The following ANKRD12 variants were observed in gnomAD, a reference collection of about 807,000 sequenced individuals.
ANKRD12 encodes ankyrin repeat domain-containing protein 12.
A neutral mutation model predicts 183.4 loss-of-function variants in ANKRD12; 85 were observed. That is an observed-to-expected ratio of 0.46 (90% confidence interval 0.39 to 0.56). The LOEUF (loss-of-function observed/expected upper bound fraction) is 0.56. ANKRD12 is among the 20% of genes least tolerant of loss of function. The probability of loss-of-function intolerance (pLI) is 0.00; values close to 1 mark genes in which losing one functional copy is unlikely to be tolerated. For missense variants in ANKRD12, 2,405 were observed against 2,357.1 expected, an observed-to-expected ratio of 1.02 and a Z score of -0.42; for synonymous variants, 914 against 800.2, an observed-to-expected ratio of 1.14 and a Z score of -2.40.
chr18:9,239,420 G>T (rs1214517057), intron 8 of ANKRD12: 2 of 819,740 alleles, frequency 2.4e-6, no homozygotes, highest in East Asian at 6.7e-5. Context: ...GAACCTTTTT[G>T]ATTTTCACTG....
At chr18:9,165,882 C>T (rs1389693184) in intron 1 of ANKRD12, among the ~76,000 whole-genome samples, 2 of 137,054 alleles carry the variant, frequency 1.5e-5, no homozygotes, top group Non-Finnish European at 3.2e-5. Context: ...CCCCCCACCC[C>T]ACAACAGTCC....
intron 1 of ANKRD12, among the ~76,000 whole-genome samples, chr18:9,159,946 A>G (rs751112170): frequency 2.6e-5 from 4 of 151,940 alleles, no homozygotes; most frequent in Non-Finnish European, 4.4e-5. Flanking sequence ...CTGGGACTAC[A>G]GATGTCCACC....
At chr18:9,196,443 C>T (rs1191899247) in intron 3 of ANKRD12, among the ~76,000 whole-genome samples, 2 of 152,100 alleles carry the variant, frequency 1.3e-5, no homozygotes, top group South Asian at 2.1e-4. Context: ...TAGTTTTAGT[C>T]ATTGCATGAA....
In ANKRD12 at chr18:9,254,272, A is replaced by G. The variant is rs1326277913; in HGVS notation, c.1005A>G (p.Thr335=). The G allele has an allele frequency of 1.2e-5, 19 of 1,607,554 alleles. No individual in the cohort carries two copies. The highest frequency in any genetic ancestry group is 1.5e-5 in the Non-Finnish European group (18 of 1,177,888). ...SSVDENIDSE[T]EKDSLICESK... Reference sequence around the variant, plus strand: ...TTGATGAAAATATTGACTCTGAAACAGAGAAAGACTCTCTCATCTGTGAAA... The same window carrying G: ...TTGATGAAAATATTGACTCTGAAACGGAGAAAGACTCTCTCATCTGTGAAA... Residue 335 remains threonine, a synonymous_variant, in exon 9 of 13, where the codon ACA becomes ACG. Coordinates refer to ENST00000262126, the MANE Select transcript of ANKRD12 (RefSeq NM_015208.5).
At chr18:9,152,627 G>A (rs1275925192) in intron 1 of ANKRD12, among the ~76,000 whole-genome samples, 2 of 151,396 alleles carry the variant, frequency 1.3e-5, no homozygotes, top group Admixed American at 1.3e-4. Context: ...TATATATATT[G>A]GAAGTTATCT....
At chr18:9,163,532 A>G (rs1418534001) in intron 1 of ANKRD12, among the ~76,000 whole-genome samples, 1 of 152,134 alleles carries the variant, frequency 6.6e-6, no homozygotes, top group East Asian at 1.9e-4. Context: ...TTGGTACCAT[A>G]TGAATTTTAA....
chr18:9,180,462 G>A (rs116684594), intron 1 of ANKRD12, among the ~76,000 whole-genome samples: 1,574 of 151,818 alleles, frequency 0.01, 22 homozygotes, highest in African/African-American at 0.036. Context: ...TTTGGGCTTA[G>A]GTCTATATCA....
chr18:9,176,462 T>G (rs910150518), intron 1 of ANKRD12, among the ~76,000 whole-genome samples: 1 of 152,032 alleles, frequency 6.6e-6, no homozygotes, highest in Non-Finnish European at 1.5e-5. Flanking sequence ...AGCTAATTTT[T>G]TAATTTTTTG....
rs951647534 is a variant in ANKRD12 at position 9,276,597 on chromosome 18, C to T, written c.5907+930C>T. ...GGTGTGGTGGGGCACACATGTAGTC[C>T]CAGCTACCAGGGAGGCTGAGGTAGG... On this transcript the variant is annotated intron_variant, in intron 11 of 12. Coordinates refer to ENST00000262126, the MANE Select transcript of ANKRD12 (RefSeq NM_015208.5). Among the ~76,000 whole-genome samples, 5 of 151,970 alleles carry T rather than the reference C, an allele frequency of 3.3e-5. No individual in the cohort carries two copies. In the East Asian group the frequency reaches 9.6e-4, roughly 29 times the overall value.
chr18:9,233,627 T>C (rs1221119788), intron 8 of ANKRD12, among the ~76,000 whole-genome samples: 1 of 152,228 alleles, frequency 6.6e-6, no homozygotes, highest in Non-Finnish European at 1.5e-5. Context: ...GCCTTTTGGC[T>C]TTGATTCTGG....
chr18:9,266,480 T>G (rs923604040), intron 10 of ANKRD12, among the ~76,000 whole-genome samples: 5 of 152,010 alleles, frequency 3.3e-5, no homozygotes, highest in African/African-American at 4.8e-5. Context: ...TTAAAGAAAA[T>G]AATTTTCAAC....
intron 1 of ANKRD12, among the ~76,000 whole-genome samples, chr18:9,180,011 C>T (rs1271816918): frequency 3.9e-5 from 6 of 152,140 alleles, no homozygotes; most frequent in African/African-American, 1.4e-4. Flanking sequence ...TTTTTCTGTT[C>T]TTATATAATC....
At chr18:9,266,962 C>T (rs1030411690) in intron 10 of ANKRD12, among the ~76,000 whole-genome samples, 8 of 152,088 alleles carry the variant, frequency 5.3e-5, no homozygotes, top group African/African-American at 1.7e-4. Flanking sequence ...GCAGGGGTTG[C>T]AATCCTAGTC....
intron 5 of ANKRD12, among the ~76,000 whole-genome samples, chr18:9,210,199 C>A (rs1482190466): frequency 6.6e-6 from 1 of 151,982 alleles, no homozygotes; most frequent in Non-Finnish European, 1.5e-5. Flanking sequence ...TTAGATAAGT[C>A]TTTAGATTTT....
chr18:9,155,534 C>T (rs566305514), intron 1 of ANKRD12, among the ~76,000 whole-genome samples: 1 of 152,320 alleles, frequency 6.6e-6, no homozygotes, highest in South Asian at 2.1e-4. Context: ...TTTATGGTTT[C>T]TGCCAAATAC....
intron 1 of ANKRD12, among the ~76,000 whole-genome samples, chr18:9,168,803 T>C (rs1041950879): frequency 1.1e-4 from 16 of 152,308 alleles, no homozygotes; most frequent in Middle Eastern, 6.8e-3. Flanking sequence ...TTCTTTTAAT[T>C]GTGATGTTAG....
At chr18:9,170,500 C>CT (rs1183012277) in intron 1 of ANKRD12, among the ~76,000 whole-genome samples, 2 of 152,154 alleles carry the variant, frequency 1.3e-5, no homozygotes, top group African/African-American at 4.8e-5. Context: ...TTGATCGCAT[C>CT]GGCTGCTGAG....
At chr18:9,193,420 A>G (rs936294632) in intron 2 of ANKRD12, among the ~76,000 whole-genome samples, 13 of 152,190 alleles carry the variant, frequency 8.5e-5, no homozygotes, top group African/African-American at 2.9e-4. Flanking sequence ...TGCTAGGATT[A>G]CAGGCATGAG....
intron 8 of ANKRD12, among the ~76,000 whole-genome samples, chr18:9,250,430 G>C (rs1274318453): frequency 6.6e-6 from 1 of 152,066 alleles, no homozygotes; most frequent in Non-Finnish European, 1.5e-5. Flanking sequence ...ATTTAAGAGA[G>C]AGTCCAGGCT....
Sources: gnomAD v4.1 joint callset for allele counts (sites outside exome capture counted in the v4.1 genomes callset) on GRCh38, gnomAD v4.1.1 for gene constraint, MANE v1.5 for transcripts, NCBI Gene and HGNC (gene_info 2026-07-23, HGNC 2026-07-21) for gene names.